The following TAFA5 variants were observed in gnomAD, a reference collection of about 807,000 sequenced individuals.
TAFA5 encodes the protein chemokine-like protein TAFA-5.
In TAFA5, 6 loss-of-function variants were observed where a neutral mutation model predicts 15.3. The ratio of observed to expected loss-of-function variants is 0.39; its 90% CI spans 0.21 to 0.77. The LOEUF is 0.77. Among genes scored for constraint, TAFA5 ranks in the 30% least tolerant of loss-of-function variants. The probability of loss-of-function intolerance (pLI) is 0.41; values close to 1 mark genes in which losing one functional copy is unlikely to be tolerated. For synonymous variants in TAFA5, 103 were observed against 80.7 expected (o/e 1.28, Z -1.48); for missense variants, 161 against 193.1 (o/e 0.83, Z 0.98).
chr22:48,719,096 C>T (rs952105375), intron 3 of TAFA5, among the ~76,000 whole-genome samples: 33 of 152,228 alleles, frequency 2.2e-4, no homozygotes, highest in African/African-American at 7.2e-4. Context: ...GGGGGATTTT[C>T]AACTTTTTCT....
intron 1 of TAFA5, among the ~76,000 whole-genome samples, chr22:48,523,996 C>A (rs133491): frequency 3.3e-5 from 5 of 152,114 alleles, no homozygotes; most frequent in Admixed American, 2.6e-4. Context: ...CCAACCTGCC[C>A]CGGGGCCGGG....
chr22:48,646,922 G>C (rs1250159240), intron 2 of TAFA5, among the ~76,000 whole-genome samples, 176 bp downstream of exon 2: 1 of 152,214 alleles, frequency 6.6e-6, no homozygotes, highest in Non-Finnish European at 1.5e-5. Flanking sequence ...TTGTGGCTTG[G>C]GGACTGGCTG....
chr22:48,612,345 G>A (rs1206452527), intron 1 of TAFA5, among the ~76,000 whole-genome samples: 4 of 152,214 alleles, frequency 2.6e-5, no homozygotes. Context: ...GGCAGGCCAC[G>A]CGTGTCTCAC....
At chr22:48,592,641 G>GCCTCCCTCCCTCCCTC (rs1161710737) in intron 1 of TAFA5, among the ~76,000 whole-genome samples, 1 of 151,838 alleles carries the variant, frequency 6.6e-6, no homozygotes, top group Admixed American at 6.6e-5. Flanking sequence ...GGTATCTGCT[G>GCCTCCCTCCCTCCCTC]CCTCCCTCCC....
chr22:48,655,257 C>T (rs1404613298), intron 2 of TAFA5, among the ~76,000 whole-genome samples: 3 of 152,226 alleles, frequency 2.0e-5, no homozygotes, highest in Non-Finnish European at 4.4e-5. Context: ...GCAGCCCTCA[C>T]TCTTCTGCGG....
chr22:48,539,349 T>A (rs1436175037), intron 1 of TAFA5: 8 of 471,140 alleles, frequency 1.7e-5, no homozygotes, highest in South Asian at 9.3e-5. Flanking sequence ...TAATAGGACA[T>A]GGGCTCCTCC....
intron 1 of TAFA5, among the ~76,000 whole-genome samples, chr22:48,554,630 A>G (rs1423959174): frequency 6.6e-6 from 1 of 152,236 alleles, no homozygotes; most frequent in Non-Finnish European, 1.5e-5. Flanking sequence ...AGGTTATTAC[A>G]GCCATTTATT....
intron 3 of TAFA5, among the ~76,000 whole-genome samples, chr22:48,735,485 C>T (rs762647733): frequency 2.6e-5 from 4 of 152,294 alleles, no homozygotes; most frequent in East Asian, 1.9e-4. Context: ...TCAAGAAGGG[C>T]GACCAAAACA....
intron 1 of TAFA5, among the ~76,000 whole-genome samples, chr22:48,594,211 G>T (rs1924678123): frequency 6.6e-6 from 1 of 152,196 alleles, no homozygotes; most frequent in African/African-American, 2.4e-5. Flanking sequence ...GCCCGGCGTT[G>T]GGGTGCAGGC....
chr22:48,637,406 T>A (rs1926489421), intron 1 of TAFA5, among the ~76,000 whole-genome samples: 1 of 152,104 alleles, frequency 6.6e-6, no homozygotes, highest in African/African-American at 2.4e-5. Flanking sequence ...TCGAAAGCGG[T>A]TCCTGCTAAC....
At chr22:48,576,569 A>G (rs779716656) in intron 1 of TAFA5, 1 of 1,487,760 alleles carries the variant, frequency 6.7e-7, no homozygotes, top group Admixed American at 2.0e-5. Context: ...TTCCTCAAAG[A>G]AGGTAATTGT....
At chr22:48,570,196 T>C (rs1201163790) in intron 1 of TAFA5, among the ~76,000 whole-genome samples, 16 of 152,244 alleles carry the variant, frequency 1.1e-4, no homozygotes, top group Admixed American at 1.0e-3. Flanking sequence ...CTGTGATTGT[T>C]AGAGGCACAG....
intron 2 of TAFA5, among the ~76,000 whole-genome samples, chr22:48,673,982 G>T (rs1159098148): frequency 6.6e-6 from 1 of 151,822 alleles, no homozygotes; most frequent in African/African-American, 2.4e-5. Flanking sequence ...CCAGCCCTTT[G>T]CCCACCTCAC....
At chr22:48,576,192 A>C (rs1246976915) in intron 1 of TAFA5, 6 of 189,008 alleles carry the variant, frequency 3.2e-5, no homozygotes, top group Admixed American at 6.7e-5. Flanking sequence ...ATGGTGGCCG[A>C]GTGGTCGGAG....
At chr22:48,584,394 AC>A (rs1924245907) in intron 1 of TAFA5, among the ~76,000 whole-genome samples, 1 of 150,104 alleles carries the variant, frequency 6.7e-6, no homozygotes, top group Non-Finnish European at 1.5e-5. Context: ...CACAGTACAC[AC>A]CACACACATA....
chr22:48,664,608 C>A (rs1331774007), intron 2 of TAFA5, among the ~76,000 whole-genome samples: 1 of 152,124 alleles, frequency 6.6e-6, no homozygotes, highest in Non-Finnish European at 1.5e-5. Context: ...CCTCCTGGCC[C>A]GATCTCACCC....
chr22:48,710,390 T>C (rs1488772480), intron 3 of TAFA5, among the ~76,000 whole-genome samples: 8 of 152,162 alleles, frequency 5.3e-5, no homozygotes, highest in African/African-American at 1.9e-4. Flanking sequence ...CCTCCTGCGT[T>C]CACCCAGAAC....
chr22:48,669,085 TGAG>T (rs1481527333), intron 2 of TAFA5, among the ~76,000 whole-genome samples: 1 of 152,132 alleles, frequency 6.6e-6, no homozygotes, highest in African/African-American at 2.4e-5. Context: ...TTCCCCGACG[TGAG>T]GACACAACCA....
intron 2 of TAFA5, among the ~76,000 whole-genome samples, chr22:48,650,906 C>T (rs771956493): frequency 9.2e-5 from 14 of 152,326 alleles, no homozygotes; most frequent in East Asian, 5.8e-4. Context: ...TTTATGCAGA[C>T]GCGCCAGGTT....
Sources: gnomAD v4.1 joint callset for allele counts (sites outside exome capture counted in the v4.1 genomes callset) on GRCh38, gnomAD v4.1.1 for gene constraint, MANE v1.5 for transcripts, NCBI Gene and HGNC (gene_info 2026-07-23, HGNC 2026-07-21) for gene names.